The following PIM2 variants were observed in gnomAD, a reference collection of about 807,000 sequenced individuals.
PIM2 encodes Pim-2 proto-oncogene, serine/threonine kinase.
A neutral mutation model predicts 18.0 loss-of-function variants in PIM2; 3 were observed. The observed-to-expected ratio is 0.17, with a 90% CI of 0.08 to 0.43. PIM2 has a LOEUF of 0.43. Among genes scored for constraint, PIM2 ranks in the 20% least tolerant of loss-of-function variants. The pLI, the probability that PIM2 is intolerant of heterozygous loss-of-function variation, is 0.99. For synonymous variants in PIM2, 117 were observed against 105.3 expected (o/e 1.11, Z -0.68); for missense variants, 181 against 260.8 (o/e 0.69, Z 2.11).
intron 3 of PIM2, among the ~76,000 whole-genome samples, chrX:48,916,373 ATG>A (rs1165303278): frequency 1.8e-5 from 2 of 112,884 alleles, no homozygotes; most frequent in Non-Finnish European, 3.7e-5. Flanking sequence ...TAGTGTTATC[ATG>A]TGTTTTGTCA....
chrX:48,914,902 T>TC (rs1449896088), intron 4 of PIM2, 118 bp downstream of exon 4: 1 of 647,302 alleles, frequency 1.5e-6, no homozygotes, highest in Admixed American at 3.9e-5. Context: ...TAGCAATCGA[T>TC]CATCTTATAT....
intron 3 of PIM2, among the ~76,000 whole-genome samples, chrX:48,915,972 T>C (rs1357876856): frequency 8.9e-6 from 1 of 112,178 alleles, no homozygotes; most frequent in Non-Finnish European, 1.9e-5. Flanking sequence ...CACCATTATG[T>C]GTTTTGTTTT....
Position 48,918,788 on chromosome X carries a change from G to A in PIM2, c.47C>T (p.Pro16Leu). Residue 16 changes from proline to leucine, a missense_variant, in exon 1 of 6, where the codon CCC (proline) becomes CTC (leucine). Physicochemically the swap from Pro to Leu is moderately conservative, Grantham distance 98. Coordinates refer to ENST00000376509, the MANE Select transcript of PIM2 (RefSeq NM_006875.4). Reference sequence around the variant, plus strand: ...GATGTACTCACCTGGCGGCGGCGTGGGGGTCCCGGGGGGCGCGGGAGGCCC... The same window carrying A: ...GATGTACTCACCTGGCGGCGGCGTGAGGGTCCCGGGGGGCGCGGGAGGCCC... ...LQGPPAPPGT[P>L]TPPPGGKDRE... The A allele has an allele frequency of 8.4e-7, 1 of 1,193,049 alleles. No homozygotes were observed. The highest frequency in any genetic ancestry group is 1.1e-6 in the Non-Finnish European group (1 of 889,043).
chrX:48,915,459 G>C, intron 3 of PIM2, 67 bp from the exon 4 acceptor site: 1 of 1,051,621 alleles, frequency 9.5e-7, no homozygotes, highest in Admixed American at 3.0e-5. Flanking sequence ...ACAGCTCTGA[G>C]GCTTTTTACC....
Position 48,914,259 on chromosome X carries a change from T to G in PIM2, c.808A>C (p.Lys270Gln), listed in dbSNP as rs1557044947. The change falls in exon 6 of 6, where the codon AAA becomes CAA. Residue 270 changes from lysine (K) to glutamine (Q), a missense_variant. By Grantham distance (53) the Lys-to-Gln change is moderately conservative. Coordinates refer to ENST00000376509, the MANE Select transcript of PIM2 (RefSeq NM_006875.4). ...CALIRRCLAP[K>Q]PSSRPSLEEI... ...TCCAGTGAGGGTCGGGAAGAAGGTT[T>G]GGGGGCCAGGCACCGGCGGATTAGG... 8.3e-7 allele frequency: 1 copy of G among 1,208,831 alleles called. No homozygotes were observed. The highest frequency in any genetic ancestry group is 1.1e-6 in the Non-Finnish European group (1 of 894,146).
At chrX:48,917,939 C>G in intron 2 of PIM2, 108 bp from the exon 3 acceptor site, 2 of 616,398 alleles carry the variant, frequency 3.2e-6, no homozygotes, top group Non-Finnish European at 5.3e-6. Flanking sequence ...GCACTCTAGT[C>G]TTTCTGGTCC....
At chrX:48,917,137 A>T (rs2063565025) in intron 3 of PIM2, among the ~76,000 whole-genome samples, 1 of 107,656 alleles carries the variant, frequency 9.3e-6, no homozygotes, top group Admixed American at 9.9e-5. Flanking sequence ...CCTGGGCAAC[A>T]GAGGGAGACT....
intron 2 of PIM2, among the ~76,000 whole-genome samples, chrX:48,918,136 C>G (rs1005966314): frequency 9.2e-6 from 1 of 109,241 alleles, no homozygotes; most frequent in African/African-American, 3.4e-5. Flanking sequence ...TCCTATTTAG[C>G]TCTACGACAC....
chrX:48,916,852 A>G (rs1602352567), intron 3 of PIM2, among the ~76,000 whole-genome samples: 1 of 101,384 alleles, frequency 9.9e-6, no homozygotes, highest in Admixed American at 1.1e-4. Flanking sequence ...CGTCTCAAGG[A>G]AAAAAAAAAG....
chrX:48,917,888 T>C (rs782274472), intron 2 of PIM2, 57 bp from the exon 3 acceptor site: 12 of 920,168 alleles, frequency 1.3e-5, no homozygotes, highest in Non-Finnish European at 1.8e-5. Flanking sequence ...CCCCTCCCAG[T>C]CTAGACCTTC....
chrX:48,914,013 G>C lies in PIM2; in HGVS notation c.*118C>G. On this transcript the variant is annotated 3_prime_UTR_variant, in exon 6 of 6. Transcript: ENST00000376509. ...TCAATCCCTTACCTTAGTAATACTG[G>C]ACTTTAATGACTGGTAATGACCTGT... 4.3e-6 allele frequency: 2 copies of C among 465,397 alleles called. No individual in the cohort carries two copies. Among genetic ancestry groups the C allele is most frequent in the Non-Finnish European group, 3.7e-6 (1 of 272,410 alleles). The allele number at this position is 465,397 out of a possible 1,213,427, so 38.4% of individuals were successfully genotyped here. A position where few individuals can be genotyped will look rare whatever the true frequency, so the allele number is the denominator to read the frequency against.
chrX:48,913,819 C>T lies in PIM2; in HGVS notation c.*312G>A, dbSNP rs192701453. 91 of 223,612 alleles carry T rather than the reference C, an allele frequency of 4.1e-4. 1 individual carries two copies. In the East Asian group the frequency reaches 7.8e-3, roughly 19 times the overall value. The allele number at this position is 223,612 out of a possible 1,213,427, so 18.4% of individuals were successfully genotyped here. A position where few individuals can be genotyped will look rare whatever the true frequency, so the allele number is the denominator to read the frequency against. ...TGACACATCATCAGAATAAGAGTCC[C>T]GGGGCTCAGAATGGGAACAACTTCA... On this transcript the variant is annotated 3_prime_UTR_variant, in exon 6 of 6. Coordinates refer to ENST00000376509, the MANE Select transcript of PIM2 (RefSeq NM_006875.4).
At chrX:48,917,304 G>T (rs782663113) in intron 3 of PIM2, among the ~76,000 whole-genome samples, 24 of 111,661 alleles carry the variant, frequency 2.1e-4, no homozygotes, top group African/African-American at 7.8e-4. Context: ...GGCAGCAGAC[G>T]TTTTCTCACC....
chrX:48,918,873 T>C lies in PIM2; in HGVS notation c.-39A>G, dbSNP rs782507557. The C allele has an allele frequency of 8.7e-7, 1 of 1,150,048 alleles. No individual in the cohort carries two copies. The highest frequency in any genetic ancestry group is 1.2e-6 in the Non-Finnish European group (1 of 854,500). The allele number at this position is 1,150,048 out of a possible 1,213,427, so 94.8% of individuals were successfully genotyped here. A position where few individuals can be genotyped will look rare whatever the true frequency, so the allele number is the denominator to read the frequency against. Reference sequence around the variant, plus strand: ...CGCAGATTGAGCCCACTGAACCCGCTAAGCCCGCAGGGCGTGGACGCCCGG... The same window carrying C: ...CGCAGATTGAGCCCACTGAACCCGCCAAGCCCGCAGGGCGTGGACGCCCGG... On this transcript the variant is annotated 5_prime_UTR_variant, in exon 1 of 6. Transcript: ENST00000376509.
Position 48,918,543 on chromosome X carries a change from C to G in PIM2, c.164G>C (p.Arg55Pro), listed in dbSNP as rs928985123. The G allele has an allele frequency of 1.7e-6, 2 of 1,197,368 alleles. No homozygotes were observed. The highest frequency in any genetic ancestry group is 2.3e-6 in the Non-Finnish European group (2 of 883,957). ...GACCCTCATGACGGATACCTGGAGTCGATCTGTGAGGCGGTGTCCTGCGAA... is the reference window on the plus strand; with the variant it reads ...GACCCTCATGACGGATACCTGGAGTGGATCTGTGAGGCGGTGTCCTGCGAA... ...TVFAGHRLTD[R>P]LQVAIKVIPR... The change falls in exon 2 of 6, where the codon CGA (arginine) becomes CCA (proline). Residue 55 changes from arginine (R) to proline (P), a missense_variant. Arg to Pro is a moderately radical substitution (Grantham distance 103). Coordinates refer to ENST00000376509, the MANE Select transcript of PIM2 (RefSeq NM_006875.4).
chrX:48,917,762 G>A lies in PIM2; in HGVS notation c.222+19C>T, dbSNP rs1557045403. ...AGTGATGGAGTAGGTAGGTTAGGAA[G>A]GGCTCCGAAGGTACTCACCAAGGGG... is the stretch of plus-strand genomic sequence containing the variant. On this transcript the variant is annotated intron_variant, in intron 3 of 5. Coordinates refer to ENST00000376509, the MANE Select transcript of PIM2 (RefSeq NM_006875.4). 2 of 1,183,104 alleles carry A rather than the reference G, an allele frequency of 1.7e-6. No homozygotes were observed. The highest frequency in any genetic ancestry group is 1.8e-5 in the South Asian group (1 of 54,918).
Position 48,913,818 on chromosome X carries a change from C to T in PIM2, c.*313G>A. 1 of 223,478 alleles carries T rather than the reference C, an allele frequency of 4.5e-6. No homozygotes were observed. Among genetic ancestry groups the T allele is most frequent in the Non-Finnish European group, 7.9e-6 (1 of 126,213 alleles). 18.4% of individuals were successfully genotyped at this position (223,478 alleles called of 1,213,427 possible). Reference sequence around the variant, plus strand: ...GTGACACATCATCAGAATAAGAGTCCCGGGGCTCAGAATGGGAACAACTTC... The same window carrying T: ...GTGACACATCATCAGAATAAGAGTCTCGGGGCTCAGAATGGGAACAACTTC... On this transcript the variant is annotated 3_prime_UTR_variant, in exon 6 of 6. Transcript: ENST00000376509.
At chrX:48,917,954 C>T in intron 2 of PIM2, 123 bp from the exon 3 acceptor site, 1 of 536,262 alleles carries the variant, frequency 1.9e-6, no homozygotes, top group Non-Finnish European at 3.2e-6. Context: ...TGGTCCCCAA[C>T]CACAGCACCC....
At chrX:48,914,804 C>T in intron 4 of PIM2, 1 of 460,225 alleles carries the variant, frequency 2.2e-6, no homozygotes, top group Admixed American at 4.3e-5. Flanking sequence ...TAACAGGATC[C>T]CCTCACCAGA....
Sources: gnomAD v4.1 joint callset for allele counts (sites outside exome capture counted in the v4.1 genomes callset) on GRCh38, gnomAD v4.1.1 for gene constraint, MANE v1.5 for transcripts, NCBI Gene and HGNC (gene_info 2026-07-23, HGNC 2026-07-21) for gene names.